The following GTF2F2 variants were observed in gnomAD, a reference collection of about 807,000 sequenced individuals.
The protein encoded by GTF2F2 is ATP-dependent helicase GTF2F2.
Under a neutral mutation model 42.2 loss-of-function variants are expected in GTF2F2, and 23 were observed. The observed-to-expected ratio is 0.55, with a 90% CI of 0.39 to 0.77. The LOEUF (loss-of-function observed/expected upper bound fraction) is 0.77, where lower values mean the gene tolerates loss of function less well. GTF2F2 is among the 30% of genes least tolerant of loss of function. The pLI is 0.00. For synonymous variants in GTF2F2, 105 were observed against 100.8 expected (o/e 1.04, Z -0.25); for missense variants, 261 against 287.2 (o/e 0.91, Z 0.66).
chr13:45,133,317 A>C (rs1207147944), intron 1 of GTF2F2, among the ~76,000 whole-genome samples: 1 of 152,166 alleles, frequency 6.6e-6, no homozygotes, highest in Non-Finnish European at 1.5e-5. Flanking sequence ...AAAGAAAAAT[A>C]AAATTAAAAA....
intron 2 of GTF2F2, among the ~76,000 whole-genome samples, chr13:45,137,376 A>G (rs1229563037): frequency 6.6e-6 from 1 of 152,200 alleles, no homozygotes; most frequent in Non-Finnish European, 1.5e-5. Context: ...AACTCCATTC[A>G]GATTCGTATG....
At chr13:45,124,108 GT>G in intron 1 of GTF2F2, 1 of 766,450 alleles carries the variant, frequency 1.3e-6, no homozygotes, top group Non-Finnish European at 2.3e-6. Context: ...CAAAGTGGTC[GT>G]TGAGGGCAAT....
chr13:45,121,521 GTCTT>G (rs1196862927), intron 1 of GTF2F2, among the ~76,000 whole-genome samples: 1 of 152,140 alleles, frequency 6.6e-6, no homozygotes, highest in African/African-American at 2.4e-5. Context: ...AATCTAAGAG[GTCTT>G]TCTTGTCGGC....
intron 4 of GTF2F2, among the ~76,000 whole-genome samples, chr13:45,161,391 A>G (rs1285571683): frequency 6.6e-6 from 1 of 152,212 alleles, no homozygotes; most frequent in Admixed American, 6.5e-5. Context: ...TAGTGTGAAA[A>G]GATTGCAAGC....
At chr13:45,231,898 C>T (rs1430044637) in intron 5 of GTF2F2, among the ~76,000 whole-genome samples, 1 of 152,150 alleles carries the variant, frequency 6.6e-6, no homozygotes, top group Non-Finnish European at 1.5e-5. Context: ...TACTTAGTCA[C>T]CATAGCAACA....
intron 5 of GTF2F2, among the ~76,000 whole-genome samples, chr13:45,237,109 T>A (rs955406194): frequency 4.2e-4 from 64 of 152,268 alleles, no homozygotes; most frequent in African/African-American, 1.5e-3. Context: ...TACCTAAAGA[T>A]CAGTGAATTC....
chr13:45,124,547 G>A (rs186708507), intron 1 of GTF2F2, among the ~76,000 whole-genome samples: 1 of 151,768 alleles, frequency 6.6e-6, no homozygotes, highest in African/African-American at 2.4e-5. Flanking sequence ...TAGTAGAGAT[G>A]GGGTTTATTT....
At chr13:45,146,026 C>T (rs952901109) in intron 2 of GTF2F2, among the ~76,000 whole-genome samples, 7 of 152,276 alleles carry the variant, frequency 4.6e-5, no homozygotes, top group Middle Eastern at 3.4e-3. Context: ...CCCTCCTTAC[C>T]TGACTGGGCT....
intron 7 of GTF2F2, among the ~76,000 whole-genome samples, chr13:45,281,753 T>C (rs1432061839): frequency 1.3e-5 from 2 of 152,230 alleles, no homozygotes; most frequent in East Asian, 1.9e-4. Context: ...CCATTTTTCT[T>C]ATTAATGCCT....
At chr13:45,226,974 C>T (rs561472106) in intron 5 of GTF2F2, among the ~76,000 whole-genome samples, 1 of 152,128 alleles carries the variant, frequency 6.6e-6, no homozygotes, top group East Asian at 1.9e-4. Context: ...CACCTATAGT[C>T]CCAGCTACTG....
intron 5 of GTF2F2, chr13:45,219,274 C>T (rs1286515852): frequency 1.3e-5 from 2 of 152,106 alleles, no homozygotes; most frequent in African/African-American, 4.8e-5. Context: ...GGAATTTGAA[C>T]CCACATCTGA....
chr13:45,226,853 A>T (rs768661952), intron 5 of GTF2F2, among the ~76,000 whole-genome samples: 13 of 152,180 alleles, frequency 8.5e-5, no homozygotes, highest in Admixed American at 5.9e-4. Flanking sequence ...TTGTGTATTT[A>T]TAGTTTTGTT....
intron 4 of GTF2F2, among the ~76,000 whole-genome samples, chr13:45,170,570 G>C (rs1871544185): frequency 2.0e-5 from 3 of 152,108 alleles, no homozygotes; most frequent in African/African-American, 7.2e-5. Context: ...GAGGTACTCT[G>C]TACACAGAAT....
At chr13:45,227,306 TA>T (rs933448541) in intron 5 of GTF2F2, among the ~76,000 whole-genome samples, 3 of 152,216 alleles carry the variant, frequency 2.0e-5, no homozygotes, top group African/African-American at 4.8e-5. Flanking sequence ...CATATTCAAT[TA>T]AAAATGTAAG....
chr13:45,248,650 A>T (rs1015054755), intron 5 of GTF2F2, among the ~76,000 whole-genome samples: 2 of 151,456 alleles, frequency 1.3e-5, no homozygotes, highest in African/African-American at 4.9e-5. Context: ...ATTTTTTTGT[A>T]TTTTTAGTAG....
intron 5 of GTF2F2, among the ~76,000 whole-genome samples, chr13:45,230,220 T>TAA (rs554982229): frequency 7.1e-6 from 1 of 140,322 alleles, no homozygotes; most frequent in African/African-American, 2.6e-5. Flanking sequence ...CATCTCAAAA[T>TAA]AAAAAAAAAA....
intron 6 of GTF2F2, among the ~76,000 whole-genome samples, chr13:45,261,898 T>A (rs1048117093): frequency 6.6e-6 from 1 of 152,218 alleles, no homozygotes. Flanking sequence ...TCTGCACTGT[T>A]TAGTTTTAAA....
chr13:45,135,702 C>A (rs73181591), intron 1 of GTF2F2, among the ~76,000 whole-genome samples: 188 of 152,256 alleles, frequency 1.2e-3, no homozygotes, highest in Non-Finnish European at 2.0e-3. Flanking sequence ...TGTTTTTTTG[C>A]ACATGAAGTA....
chr13:45,181,499 T>C (rs1175238777), intron 4 of GTF2F2, among the ~76,000 whole-genome samples: 2 of 152,156 alleles, frequency 1.3e-5, no homozygotes, highest in African/African-American at 4.8e-5. Flanking sequence ...CATTTCTCTC[T>C]GATGTTCTTA....
Sources: allele counts gnomAD v4.1 joint callset (sites outside exome capture counted in the v4.1 genomes callset), GRCh38; gene constraint gnomAD v4.1.1; transcripts MANE v1.5; gene names NCBI Gene and HGNC (gene_info 2026-07-23, HGNC 2026-07-21).